Variants in C7orf33 observed in about 807,000 individuals in gnomAD.
C7orf33 encodes the protein uncharacterized protein C7orf33.
Under a neutral mutation model 13.4 loss-of-function variants are expected in C7orf33, and 15 were observed. The observed-to-expected ratio is 1.12, with a 90% confidence interval of 0.75 to 1.72. The LOEUF (loss-of-function observed/expected upper bound fraction) is 1.72, where lower values mean the gene tolerates loss of function less well. Among genes scored for constraint, C7orf33 ranks in the 40% most tolerant of loss-of-function variants. The pLI is 0.00. For synonymous variants in C7orf33, 73 were observed against 83.2 expected, an observed-to-expected ratio of 0.88 and a Z score of 0.67; for missense variants, 187 against 220.3, an observed-to-expected ratio of 0.85 and a Z score of 0.96.
intron 1 of C7orf33, among the ~76,000 whole-genome samples, chr7:148,602,037 C>G (rs958935592): frequency 6.6e-6 from 1 of 152,180 alleles, no homozygotes; most frequent in Non-Finnish European, 1.5e-5. Context: ...GCGTGAGCCA[C>G]AGCACCCGGC....
At chr7:148,600,139 G>A (rs928448230) in intron 1 of C7orf33, among the ~76,000 whole-genome samples, 27 of 152,268 alleles carry the variant, frequency 1.8e-4, no homozygotes, top group Admixed American at 1.6e-3. Flanking sequence ...ATTTGGGGAT[G>A]GGAAGAACCA....
chr7:148,595,682 G>T (rs183187640), intron 1 of C7orf33, among the ~76,000 whole-genome samples: 1 of 79,070 alleles, frequency 1.3e-5, no homozygotes, highest in African/African-American at 9.6e-5. Flanking sequence ...ATATAATATA[G>T]ATCTATATTA....
rs924838961 is a variant in C7orf33, at chr7:148,615,809, T to G, written c.*408T>G. The G allele has an allele frequency of 6.1e-6, 1 of 163,744 alleles. No homozygotes were observed. The highest frequency in any genetic ancestry group is 2.4e-5 in the African/African-American group (1 of 41,900). 10.1% of individuals were successfully genotyped at this position (163,744 alleles called of 1,614,324 possible). A position where few individuals can be genotyped will look rare whatever the true frequency, so the allele number is the denominator to read the frequency against. On this transcript the variant is annotated 3_prime_UTR_variant, in exon 3 of 3. Coordinates refer to ENST00000307003, the MANE Select transcript of C7orf33 (RefSeq NM_145304.4). The stretch of plus-strand genomic sequence containing the variant: ...GTCATTTATGATATTATTTGTAATA[T>G]CTGGTATGTCTAAGTAAAACATGCA...
chr7:148,595,805 C>G (rs1265933424), intron 1 of C7orf33, among the ~76,000 whole-genome samples: 21 of 147,390 alleles, frequency 1.4e-4, no homozygotes, highest in Non-Finnish European at 3.0e-4. Flanking sequence ...CTGCTTGCTT[C>G]TTTTAACCTA....
chr7:148,599,800 C>T (rs1253939402), intron 1 of C7orf33, among the ~76,000 whole-genome samples: 2 of 152,098 alleles, frequency 1.3e-5, no homozygotes, highest in African/African-American at 4.8e-5. Context: ...TTAAAGTCCA[C>T]CCTGGAATGT....
intron 1 of C7orf33, among the ~76,000 whole-genome samples, chr7:148,603,316 C>T (rs1220035885): frequency 6.6e-6 from 1 of 152,098 alleles, no homozygotes; most frequent in African/African-American, 2.4e-5. Flanking sequence ...CTCGGTGGCT[C>T]ATGCCTGTAA....
At chr7:148,615,255 C>T in intron 2 of C7orf33, 72 bp from the exon 3 acceptor site, 1 of 1,032,308 alleles carries the variant, frequency 9.7e-7, no homozygotes. Context: ...GTGTTTTAAA[C>T]TGTGCTATTG....
chr7:148,592,820 A>G (rs1796285410), intron 1 of C7orf33, among the ~76,000 whole-genome samples: 1 of 151,950 alleles, frequency 6.6e-6, no homozygotes, highest in Non-Finnish European at 1.5e-5. Context: ...CCAGCAGGGT[A>G]GATATGATTT....
intron 1 of C7orf33, among the ~76,000 whole-genome samples, chr7:148,603,334 A>G (rs901656066): frequency 6.6e-6 from 1 of 152,086 alleles, no homozygotes; most frequent in African/African-American, 2.4e-5. Flanking sequence ...TAATCCCAGC[A>G]CTTTGGGAGG....
intron 1 of C7orf33, among the ~76,000 whole-genome samples, chr7:148,606,348 A>G (rs1796472561): frequency 6.6e-6 from 1 of 152,200 alleles, no homozygotes; most frequent in Non-Finnish European, 1.5e-5. Flanking sequence ...GAATTTATCA[A>G]AATCTGGGAT....
intron 1 of C7orf33, among the ~76,000 whole-genome samples, chr7:148,598,640 C>G (rs552972205): frequency 3.4e-5 from 5 of 146,984 alleles, no homozygotes; most frequent in African/African-American, 1.3e-4. Context: ...CCTATATTCT[C>G]TCTCCCTCTC....
intron 1 of C7orf33, among the ~76,000 whole-genome samples, chr7:148,602,328 G>A (rs1585460330): frequency 6.6e-6 from 1 of 151,974 alleles, no homozygotes; most frequent in Admixed American, 6.6e-5. Flanking sequence ...GGTCACGGTG[G>A]CTCAGACCTG....
Position 148,590,960 on chromosome 7 carries a change from A to T in C7orf33, c.35A>T (p.Glu12Val). ...GAAGTTCAAAGCCTCAGCCTTGAAG[A>T]GTGTCCCTGGAGACTTCCAGGCCCC... The part of the protein sequence containing the change: ...QVEVQSLSLE[E>V]CPWRLPGPQC... Residue 12 changes from glutamate (E) to valine (V), a missense_variant, in exon 1 of 3, where the codon GAG (glutamate) becomes GTG (valine). Transcript: ENST00000307003. 1 of 1,614,192 alleles carries T rather than the reference A, an allele frequency of 6.2e-7. No homozygotes were observed. Among genetic ancestry groups the T allele is most frequent in the Non-Finnish European group, 8.5e-7 (1 of 1,180,046 alleles).
intron 1 of C7orf33, among the ~76,000 whole-genome samples, chr7:148,599,870 G>T (rs1403690389): frequency 6.6e-6 from 1 of 152,156 alleles, no homozygotes; most frequent in Non-Finnish European, 1.5e-5. Context: ...CCCATCTCCA[G>T]CTCTGCCCTG....
chr7:148,609,811 A>C (rs1210974591), intron 1 of C7orf33, among the ~76,000 whole-genome samples: 2 of 152,206 alleles, frequency 1.3e-5, no homozygotes, highest in African/African-American at 4.8e-5. Context: ...GAGGGTTGGA[A>C]AAAGTCAGGC....
intron 1 of C7orf33, among the ~76,000 whole-genome samples, chr7:148,601,990 C>A (rs563063970): frequency 5.3e-5 from 8 of 152,172 alleles, no homozygotes; most frequent in African/African-American, 1.4e-4. Context: ...CTCAAGCGAT[C>A]CTCCTCCCTC....
At chr7:148,607,743 G>A (rs1053231370) in intron 1 of C7orf33, among the ~76,000 whole-genome samples, 3 of 152,024 alleles carry the variant, frequency 2.0e-5, no homozygotes, top group East Asian at 1.9e-4. Flanking sequence ...ACCAACAAAC[G>A]TATTTTTTGT....
intron 1 of C7orf33, among the ~76,000 whole-genome samples, chr7:148,599,717 C>T (rs1333828389): frequency 6.6e-6 from 1 of 152,158 alleles, no homozygotes; most frequent in African/African-American, 2.4e-5. Context: ...TCGTGATCCA[C>T]CCACCTCGGC....
intron 1 of C7orf33, among the ~76,000 whole-genome samples, chr7:148,592,705 G>A (rs1796284533): frequency 6.6e-6 from 1 of 152,074 alleles, no homozygotes; most frequent in African/African-American, 2.4e-5. Flanking sequence ...AGTAGAGACA[G>A]GGTTTCACCA....
Sources: gnomAD v4.1 joint callset for allele counts (sites outside exome capture counted in the v4.1 genomes callset) on GRCh38, gnomAD v4.1.1 for gene constraint, MANE v1.5 for transcripts, NCBI Gene and HGNC (gene_info 2026-07-23, HGNC 2026-07-21) for gene names.